The following TMIGD1 variants were observed in gnomAD, a reference collection of about 807,000 sequenced individuals.
TMIGD1 encodes the protein transmembrane and immunoglobulin domain containing 1.
A neutral mutation model predicts 27.5 loss-of-function variants in TMIGD1; 29 were observed. That is an observed-to-expected ratio of 1.05 (90% CI 0.78 to 1.44). The LOEUF is 1.44. Ranked by LOEUF, TMIGD1 falls within the 40% of genes most tolerant of loss-of-function variation. The probability of loss-of-function intolerance (pLI) is 0.00; values close to 1 mark genes in which losing one functional copy is unlikely to be tolerated. For missense variants in TMIGD1, 334 were observed against 310.6 expected, an observed-to-expected ratio of 1.08 and a Z score of -0.57; for synonymous variants, 109 against 110.3, an observed-to-expected ratio of 0.99 and a Z score of 0.07.
chr17:30,331,530 A>G (rs1247395313), intron 2 of TMIGD1, among the ~76,000 whole-genome samples: 1 of 151,396 alleles, frequency 6.6e-6, no homozygotes, highest in Non-Finnish European at 1.5e-5. Context: ...AGAATAGAAT[A>G]CTTCACCTTG....
intron 1 of TMIGD1, among the ~76,000 whole-genome samples, chr17:30,332,991 T>C (rs1427626862): frequency 6.6e-6 from 1 of 152,148 alleles, no homozygotes; most frequent in Non-Finnish European, 1.5e-5. Flanking sequence ...AAAGAGACTA[T>C]GTAATTTGCC....
intron 2 of TMIGD1, 71 bp from the exon 3 acceptor site, chr17:30,329,600 G>T: frequency 1.6e-6 from 2 of 1,285,536 alleles, no homozygotes; most frequent in South Asian, 1.4e-5. Context: ...CAGGGGATTG[G>T]TTAAATAAGT....
In TMIGD1 at chr17:30,324,830, T is replaced by A; in HGVS notation, c.626A>T (p.His209Leu). ...SSLKTESLDF[H>L]LIVKDKTVGV... ...AAGAGCATTACCTTTAACAATCAGG[T>A]GAAAGTCCAAGCTCTCCGTTTTCAG... Residue 209 changes from histidine (H) to leucine (L), a missense_variant, in exon 4 of 7, where the codon CAC becomes CTC. Physicochemically the swap from His to Leu is moderately conservative, Grantham distance 99. Transcript: ENST00000328886. 1 of 1,614,006 alleles carries A rather than the reference T, an allele frequency of 6.2e-7. No individual in the cohort carries two copies. Among genetic ancestry groups the A allele is most frequent in the South Asian group, 1.1e-5 (1 of 91,082 alleles).
At chr17:30,320,676 A>G (rs1483450378) in intron 4 of TMIGD1, among the ~76,000 whole-genome samples, 3 of 152,120 alleles carry the variant, frequency 2.0e-5, no homozygotes, top group African/African-American at 7.2e-5. Flanking sequence ...TATCTTTGAT[A>G]TGATATGGAA....
At position 30,318,883 on chromosome 17, in the gene TMIGD1, A is replaced by C. The variant is rs1450493798; in HGVS notation, c.671T>G (p.Ile224Ser). ...DKTVGVPIEP[I>S]IAACVVIFLT... ...AAAGATCACAACACATGCAGCAATA[A>C]TGGGCTCTATTGGTACACCCACAGT... Residue 224 changes from isoleucine (I) to serine (S), a missense_variant, in exon 5 of 7, where the codon ATT becomes AGT. Transcript: ENST00000328886. 1 of 1,613,738 alleles carries C rather than the reference A, an allele frequency of 6.2e-7. No homozygotes were observed. The highest frequency in any genetic ancestry group is 2.2e-5 in the East Asian group (1 of 44,892).
intron 2 of TMIGD1, 83 bp from the exon 3 acceptor site, chr17:30,329,612 A>T: frequency 8.8e-7 from 1 of 1,132,028 alleles, no homozygotes; most frequent in South Asian, 1.6e-5. Flanking sequence ...TAAATAAGTT[A>T]TGTTACATCA....
At chr17:30,328,896 G>A (rs1365800161) in intron 3 of TMIGD1, among the ~76,000 whole-genome samples, 1 of 151,058 alleles carries the variant, frequency 6.6e-6, no homozygotes, top group Non-Finnish European at 1.5e-5. Flanking sequence ...CCCGGGAGGT[G>A]GAGGTTGCAG....
At chr17:30,320,278 C>T (rs938745716) in intron 4 of TMIGD1, among the ~76,000 whole-genome samples, 22 of 152,028 alleles carry the variant, frequency 1.4e-4, no homozygotes, top group Non-Finnish European at 2.6e-4. Context: ...CCTTGTGATC[C>T]GCCTTCCTTG....
rs773704640 is a variant in TMIGD1, at chr17:30,329,353, CAG to C, written c.257_258del (p.Ser86CysfsTer8). On this transcript the variant is annotated frameshift_variant, in exon 3 of 7. Transcript: ENST00000328886. LOFTEE classifies it high-confidence loss of function. The stretch of plus-strand genomic sequence containing the variant: ...TTTTCACTGATGGAAGAGACACAGA[CAG>C]AGCTGGAATTGATTTTGTTTCCAGA... ...LKSGNKINSS[S>X]VCVSSISEND... 6.2e-7 allele frequency: 1 copy of C among 1,614,118 alleles called. No homozygotes were observed. Among genetic ancestry groups the C allele is most frequent in the Admixed American group, 1.7e-5 (1 of 60,016 alleles).
chr17:30,333,630 C>T (rs1335151375), intron 1 of TMIGD1, among the ~76,000 whole-genome samples: 1 of 152,128 alleles, frequency 6.6e-6, no homozygotes, highest in Non-Finnish European at 1.5e-5. Context: ...TCATGCCAGG[C>T]TCACCCTTTC....
At chr17:30,322,578 C>A (rs980632212) in intron 4 of TMIGD1, among the ~76,000 whole-genome samples, 8 of 152,214 alleles carry the variant, frequency 5.3e-5, no homozygotes, top group Non-Finnish European at 1.2e-4. Flanking sequence ...CGGCTCACTG[C>A]AACCTCTGCC....
At chr17:30,331,840 G>A (rs960942671) in intron 2 of TMIGD1, among the ~76,000 whole-genome samples, 2 of 151,978 alleles carry the variant, frequency 1.3e-5, no homozygotes, top group East Asian at 1.9e-4. Flanking sequence ...CACCTGCCTC[G>A]GCCTCCCAAA....
chr17:30,324,931 A>C lies in TMIGD1; in HGVS notation c.525T>G (p.Ser175Arg). The C allele has an allele frequency of 6.2e-7, 1 of 1,614,154 alleles. No individual in the cohort carries two copies. The highest frequency in any genetic ancestry group is 8.5e-7 in the Non-Finnish European group (1 of 1,180,002). ...TGGTGATTGACAGCTGAAAAGACTC[A>C]CTTGTCTGTTGGATTTGGTGACGGC... ...EKSRHQIQQTSESFQLSITKV... is the reference protein window; with the variant it reads ...EKSRHQIQQTRESFQLSITKV... The change falls in exon 4 of 7, where the codon AGT becomes AGG. Residue 175 changes from serine to arginine, a missense_variant. Coordinates refer to ENST00000328886, the MANE Select transcript of TMIGD1 (RefSeq NM_206832.3).
intron 3 of TMIGD1, among the ~76,000 whole-genome samples, chr17:30,327,388 G>C (rs146651961): frequency 6.6e-6 from 1 of 150,378 alleles, no homozygotes; most frequent in Non-Finnish European, 1.5e-5. Flanking sequence ...CTGCACTCCA[G>C]TGTAGGTGAC....
intron 2 of TMIGD1, 87 bp downstream of exon 2, chr17:30,331,965 A>T: frequency 2.5e-6 from 2 of 814,624 alleles, no homozygotes; most frequent in Non-Finnish European, 4.1e-6. Context: ...TTTGGAATTT[A>T]AGGATATATC....
chr17:30,331,055 C>T (rs554895275), intron 2 of TMIGD1, among the ~76,000 whole-genome samples: 1 of 152,166 alleles, frequency 6.6e-6, no homozygotes, highest in East Asian at 1.9e-4. Flanking sequence ...ATTAGCCAGG[C>T]ATGGTGGCGG....
At chr17:30,319,259 A>ATATATATATAT (rs1389850047) in intron 4 of TMIGD1, among the ~76,000 whole-genome samples, 2 of 52,288 alleles carry the variant, frequency 3.8e-5, no homozygotes, top group African/African-American at 3.8e-4. Flanking sequence ...GAAAAAAAAA[A>ATATATATATAT]AAATATATAT....
intron 4 of TMIGD1, among the ~76,000 whole-genome samples, chr17:30,324,455 G>GT (rs1909710812): frequency 6.6e-6 from 1 of 152,114 alleles, no homozygotes; most frequent in African/African-American, 2.4e-5. Context: ...TTCTCTGTGT[G>GT]TTTTTTACTT....
chr17:30,329,226 A>G, intron 3 of TMIGD1, 25 bp downstream of exon 3: 3 of 1,607,710 alleles, frequency 1.9e-6, no homozygotes, highest in Non-Finnish European at 2.6e-6. Flanking sequence ...CAGACCCACT[A>G]GCTGTTTCTT....
Sources: allele counts gnomAD v4.1 joint callset (sites outside exome capture counted in the v4.1 genomes callset), GRCh38; gene constraint gnomAD v4.1.1; transcripts MANE v1.5; gene names NCBI Gene and HGNC (gene_info 2026-07-23, HGNC 2026-07-21).